Variants in TFCP2 observed in about 807,000 individuals in gnomAD.
TFCP2 encodes the protein transcription factor CP2.
Under a neutral mutation model 73.4 loss-of-function variants are expected in TFCP2, and 33 were observed. The observed-to-expected ratio is 0.45, with a 90% CI of 0.34 to 0.60. The LOEUF (loss-of-function observed/expected upper bound fraction) is 0.60, where lower values mean the gene tolerates loss of function less well. Among genes scored for constraint, TFCP2 ranks in the 20% least tolerant of loss-of-function variants. TFCP2 has a pLI of 0.01. For missense variants in TFCP2, 352 were observed against 604.0 expected (o/e 0.58, Z 4.37); for synonymous variants, 193 against 211.6 (o/e 0.91, Z 0.76).
intron 1 of TFCP2, among the ~76,000 whole-genome samples, chr12:51,153,556 A>G (rs957677494): frequency 1.4e-4 from 5 of 35,584 alleles, no homozygotes; most frequent in Non-Finnish European, 4.1e-4. Context: ...CCATTAAACA[A>G]GAACTACTCA....
intron 11 of TFCP2, among the ~76,000 whole-genome samples, chr12:51,101,305 C>G (rs1940105765): frequency 6.6e-6 from 1 of 151,954 alleles, no homozygotes; most frequent in Middle Eastern, 3.2e-3. Flanking sequence ...ACTCTGTTTT[C>G]AAAAAAATTA....
At chr12:51,153,545 C>T (rs1390764264) in intron 1 of TFCP2, among the ~76,000 whole-genome samples, 2 of 119,618 alleles carry the variant, frequency 1.7e-5, no homozygotes, top group Non-Finnish European at 3.5e-5. Flanking sequence ...AAATTCTGTG[C>T]CCATTAAACA....
At chr12:51,146,900 G>A (rs913621733) in intron 1 of TFCP2, among the ~76,000 whole-genome samples, 8 of 152,182 alleles carry the variant, frequency 5.3e-5, no homozygotes, top group Admixed American at 4.6e-4. Flanking sequence ...TTTAGATTCA[G>A]CACCTGCATA....
At chr12:51,101,275 A>C (rs1378648520) in intron 11 of TFCP2, among the ~76,000 whole-genome samples, 3 of 152,230 alleles carry the variant, frequency 2.0e-5, no homozygotes, top group Non-Finnish European at 4.4e-5. Context: ...ACTGTACTCC[A>C]GTCTGGGCGA....
intron 1 of TFCP2, among the ~76,000 whole-genome samples, chr12:51,151,157 C>A (rs1453837749): frequency 1.3e-5 from 2 of 152,178 alleles, no homozygotes; most frequent in East Asian, 3.8e-4. Context: ...TGAGGTGAGA[C>A]TGGAGCCCTA....
chr12:51,136,122 T>C (rs1941054833), intron 1 of TFCP2, among the ~76,000 whole-genome samples: 1 of 151,724 alleles, frequency 6.6e-6, no homozygotes, highest in Admixed American at 6.6e-5. Flanking sequence ...CTGGCCAACA[T>C]AGTGAAACCC....
At chr12:51,102,081 C>T in intron 10 of TFCP2, 56 bp from the exon 11 acceptor site, 1 of 1,213,278 alleles carries the variant, frequency 8.2e-7, no homozygotes, top group Non-Finnish European at 1.2e-6. Context: ...TTGTTAATGA[C>T]TATTAAAATG....
At chr12:51,124,725 G>A (rs752494169) in intron 1 of TFCP2, 1 of 698,990 alleles carries the variant, frequency 1.4e-6, no homozygotes, top group East Asian at 2.9e-5. Context: ...GGTTGCCTTG[G>A]AGTCGCCCTC....
At chr12:51,151,346 T>C (rs955552449) in intron 1 of TFCP2, among the ~76,000 whole-genome samples, 1 of 152,210 alleles carries the variant, frequency 6.6e-6, no homozygotes, top group Non-Finnish European at 1.5e-5. Flanking sequence ...AAAGTGATCA[T>C]ATAATTTATC....
At chr12:51,116,885 G>A (rs1203214853) in intron 3 of TFCP2, among the ~76,000 whole-genome samples, 1 of 152,158 alleles carries the variant, frequency 6.6e-6, no homozygotes, top group Non-Finnish European at 1.5e-5. Context: ...TCAAAGTGCT[G>A]GGACTATAGG....
intron 13 of TFCP2, 40 bp downstream of exon 13, chr12:51,098,736 T>C (rs771136916): frequency 9.8e-5 from 158 of 1,610,830 alleles, no homozygotes; most frequent in Non-Finnish European, 1.3e-4. Flanking sequence ...GCTGACAAAT[T>C]AATCATCATC....
chr12:51,119,788 A>G (rs1940615368), intron 1 of TFCP2, among the ~76,000 whole-genome samples: 1 of 152,074 alleles, frequency 6.6e-6, no homozygotes, highest in African/African-American at 2.4e-5. Flanking sequence ...AAATTAAATT[A>G]ACCATGCATC....
At chr12:51,118,896 T>G in intron 1 of TFCP2, 124 bp from the exon 2 acceptor site, 1 of 1,090,622 alleles carries the variant, frequency 9.2e-7, no homozygotes, top group Non-Finnish European at 1.3e-6. Context: ...TGGAGTTTCA[T>G]CCCAAGAATT....
At position 51,156,475 on chromosome 12, in the gene TFCP2, C is replaced by G. The variant is rs145841552; in HGVS notation, c.122+15826G>C. On this transcript the variant is annotated intron_variant, in intron 1 of 14. Transcript: ENST00000257915. The stretch of plus-strand genomic sequence containing the variant: ...ACCCCCATGACCCAAACACTTCCCA[C>G]TAGGCCCCACCCACCTCCAACACTG... Among the ~76,000 whole-genome samples, 26 of 152,314 alleles carry G rather than the reference C, an allele frequency of 1.7e-4. No homozygotes were observed. In the East Asian group the frequency reaches 4.8e-3, roughly 28 times the overall value.
intron 8 of TFCP2, 86 bp from the exon 9 acceptor site, chr12:51,104,289 A>T: frequency 4.4e-6 from 5 of 1,125,226 alleles, no homozygotes; most frequent in Non-Finnish European, 6.4e-6. Context: ...AATAAATCTC[A>T]TGCTAGAGAT....
At position 51,098,818 on chromosome 12, in the gene TFCP2, G is replaced by A. The variant is rs1185643901; in HGVS notation, c.1377C>T (p.Tyr459=). Residue 459 remains tyrosine (Y), a synonymous_variant, in exon 13 of 15, where the codon TAC becomes TAT. Coordinates refer to ENST00000257915, the MANE Select transcript of TFCP2 (RefSeq NM_005653.5). The part of the protein sequence containing the change: ...SISPCQISQI[Y]KQGPTGIHVL... Reference sequence around the variant, plus strand: ...CATGAATTCCTGTTGGCCCCTGCTTGTAAATCTGGCTGATCTGGCAAGGGG... The same window carrying A: ...CATGAATTCCTGTTGGCCCCTGCTTATAAATCTGGCTGATCTGGCAAGGGG... 1.2e-6 allele frequency: 2 copies of A among 1,614,160 alleles called. No homozygotes were observed. Among genetic ancestry groups the A allele is most frequent in the South Asian group, 1.1e-5 (1 of 91,082 alleles).
chr12:51,144,999 G>A (rs770538875), intron 1 of TFCP2, among the ~76,000 whole-genome samples: 8 of 152,066 alleles, frequency 5.3e-5, no homozygotes, highest in Non-Finnish European at 7.4e-5. Context: ...TCAGGAGTTC[G>A]AGACCAGCCT....
At chr12:51,154,856 C>A (rs1011110268) in intron 1 of TFCP2, among the ~76,000 whole-genome samples, 6 of 152,104 alleles carry the variant, frequency 3.9e-5, no homozygotes, top group African/African-American at 1.2e-4. Flanking sequence ...AGTAGAATTA[C>A]AGGATGATAT....
At chr12:51,143,428 A>G (rs1034024393) in intron 1 of TFCP2, among the ~76,000 whole-genome samples, 13 of 150,746 alleles carry the variant, frequency 8.6e-5, no homozygotes, top group African/African-American at 2.9e-4. Flanking sequence ...AGCAAGTCCT[A>G]TACATTTTTA....
Sources: allele counts gnomAD v4.1 joint callset (sites outside exome capture counted in the v4.1 genomes callset), GRCh38; gene constraint gnomAD v4.1.1; transcripts MANE v1.5; gene names NCBI Gene and HGNC (gene_info 2026-07-23, HGNC 2026-07-21).